Variants in SLC2A1 observed in about 807,000 individuals in gnomAD.
SLC2A1 encodes the protein solute carrier family 2 member 1.
SLC2A1 carries 4 observed loss-of-function variants against 46.6 expected under a neutral mutation model. That is an observed-to-expected ratio of 0.09 (90% CI 0.04 to 0.20). SLC2A1 has a LOEUF of 0.20. Among genes scored for constraint, SLC2A1 ranks in the 10% least tolerant of loss-of-function variants. The pLI, the probability that SLC2A1 is intolerant of heterozygous loss-of-function variation, is 1.00. For synonymous variants in SLC2A1, 253 were observed against 270.0 expected (o/e 0.94, Z 0.62); for missense variants, 352 against 667.0 (o/e 0.53, Z 5.20).
Position 42,930,160 on chromosome 1 carries a change from C to G in SLC2A1, c.517-125G>C. 1 of 1,040,986 alleles carries G rather than the reference C, an allele frequency of 9.6e-7. No individual in the cohort carries two copies. Among genetic ancestry groups the G allele is most frequent in the Non-Finnish European group, 1.5e-6 (1 of 685,380 alleles). 64.5% of individuals were successfully genotyped at this position (1,040,986 alleles called of 1,614,324 possible). A position where few individuals can be genotyped will look rare whatever the true frequency, so the allele number is the denominator to read the frequency against. The stretch of plus-strand genomic sequence containing the variant: ...GGGAAGGGCCCCAGTTCTAGAGGCT[C>G]TGCCACTAGCATGAGCCCTGTTTCT... On this transcript the variant is annotated intron_variant, in intron 4 of 9. Transcript: ENST00000426263. The surrounding 1 kb of genome is among the most constrained non-coding windows in gnomAD (Gnocchi z 6.2).
At chr1:42,944,130 C>T (rs1643627266) in intron 1 of SLC2A1, among the ~76,000 whole-genome samples, 1 of 152,150 alleles carries the variant, frequency 6.6e-6, no homozygotes, top group Admixed American at 6.5e-5. Context: ...TGGAAAAGTG[C>T]ACAAGGTGAG....
rs768474648 is a variant in SLC2A1, at chr1:42,927,276, T to A, written c.1279-35A>T. On this transcript the variant is annotated intron_variant, in intron 9 of 9. Transcript: ENST00000426263. This position sits in a 1 kb window ranked among gnomAD's most constrained non-coding sequence, Gnocchi z 5.3. The stretch of plus-strand genomic sequence containing the variant: ...ACACAGACACACTTGGTTGGAGTCA[T>A]GACCCTACATCCTGGCTGTAGGACT... 74 of 1,596,308 alleles carry A rather than the reference T, an allele frequency of 4.6e-5. No homozygotes were observed. The highest frequency in any genetic ancestry group is 6.2e-5 in the Non-Finnish European group (72 of 1,164,404).
intron 1 of SLC2A1, among the ~76,000 whole-genome samples, chr1:42,957,451 C>T (rs1027081374): frequency 6.6e-5 from 10 of 152,198 alleles, no homozygotes; most frequent in African/African-American, 2.4e-4. Context: ...GTAGGAAGGG[C>T]AGTTCAAAAT....
At chr1:42,941,505 T>G (rs1360596836) in intron 2 of SLC2A1, among the ~76,000 whole-genome samples, 3 of 152,222 alleles carry the variant, frequency 2.0e-5, no homozygotes, top group African/African-American at 7.2e-5. Context: ...GGAAAACACC[T>G]CCTCTGTCCT....
intron 1 of SLC2A1, among the ~76,000 whole-genome samples, chr1:42,948,502 G>T (rs1329345753): frequency 6.6e-6 from 1 of 152,180 alleles, no homozygotes; most frequent in East Asian, 1.9e-4. Context: ...AGCAGGGGAC[G>T]CAGGGCTTTC....
intron 1 of SLC2A1, among the ~76,000 whole-genome samples, chr1:42,947,197 T>G (rs1307512858): frequency 6.6e-6 from 1 of 152,158 alleles, no homozygotes; most frequent in Non-Finnish European, 1.5e-5. Context: ...GATGAACAGT[T>G]GGTGATGACT....
rs753161833 is a variant in SLC2A1 at position 42,930,856 on chromosome 1, T to C, written c.286A>G (p.Met96Val). Residue 96 changes from methionine to valine, a missense_variant, in exon 4 of 10, where the codon ATG (methionine) becomes GTG (valine). By Grantham distance (21) the Met-to-Val change is conservative. Transcript: ENST00000426263. This position sits in a 1 kb window ranked among gnomAD's most constrained non-coding sequence, Gnocchi z 6.2. ...AAGGCCAGCAGGTTCATCATCAGCA[T>C]TGAATTCCGCCTGGGGACGGGGTCA... ...FVNRFGRRNS[M>V]LMMNLLAFVS... The C allele has an allele frequency of 1.2e-6, 2 of 1,600,930 alleles. No individual in the cohort carries two copies.
At chr1:42,957,407 C>T (rs1643787666) in intron 1 of SLC2A1, among the ~76,000 whole-genome samples, 1 of 152,140 alleles carries the variant, frequency 6.6e-6, no homozygotes. Context: ...CCAGCGCCAC[C>T]CCGCTCAGTC....
In SLC2A1 at chr1:42,929,279, C is replaced by T. The variant is rs776461617; in HGVS notation, c.903G>A (p.Ala301=). Residue 301 remains alanine, a synonymous_variant, in exon 7 of 10, where the codon GCG becomes GCA. Transcript: ENST00000426263. The surrounding 1 kb of genome is among the most constrained non-coding windows in gnomAD (Gnocchi z 6.0). ...FYYSTSIFEK[A]GVQQPVYATI... is the part of the protein sequence containing the mutation. The stretch of plus-strand genomic sequence containing the variant: ...TGGCATACACAGGCTGCTGCACCCC[C>T]GCCTTCTCGAAGATGCTCGTGGAGT... The T allele has an allele frequency of 2.5e-5, 41 of 1,613,652 alleles. No individual in the cohort carries two copies. The highest frequency in any genetic ancestry group is 1.3e-4 in the East Asian group (6 of 44,860).
intron 2 of SLC2A1, among the ~76,000 whole-genome samples, chr1:42,932,269 T>G (rs947563043): frequency 5.0e-5 from 7 of 141,400 alleles, no homozygotes; most frequent in African/African-American, 1.8e-4. Flanking sequence ...CCACCAGCCC[T>G]GCCCCCACCC....
Position 42,927,496 on chromosome 1 carries a change from C to T in SLC2A1, c.1278+109G>A. Reference sequence around the variant, plus strand: ...GGTCATGTGACCTGGGCTTCCTACCCTCAGTTTCCTCCTCAGCATGATTCC... The same window carrying T: ...GGTCATGTGACCTGGGCTTCCTACCTTCAGTTTCCTCCTCAGCATGATTCC... On this transcript the variant is annotated intron_variant, in intron 9 of 9. Transcript: ENST00000426263. This position sits in a 1 kb window ranked among gnomAD's most constrained non-coding sequence, Gnocchi z 5.3. 4.3e-6 allele frequency: 5 copies of T among 1,153,114 alleles called. No homozygotes were observed. Among genetic ancestry groups the T allele is most frequent in the Non-Finnish European group, 6.4e-6 (5 of 782,386 alleles). The allele number at this position is 1,153,114 out of a possible 1,614,324, so 71.4% of individuals were successfully genotyped here.
chr1:42,930,898 C>A lies in SLC2A1; in HGVS notation c.276-32G>T. 2 of 1,602,626 alleles carry A rather than the reference C, an allele frequency of 1.2e-6. No individual in the cohort carries two copies. Among genetic ancestry groups the A allele is most frequent in the South Asian group, 1.1e-5 (1 of 91,060 alleles). On this transcript the variant is annotated intron_variant, in intron 3 of 9. Transcript: ENST00000426263. The surrounding 1 kb of genome is among the most constrained non-coding windows in gnomAD (Gnocchi z 6.2). Reference sequence around the variant, plus strand: ...ACGGGGTCACAGGTCAGGCCAGTGCCCACATTCCTTGGGCTCCGAGGGGCT... The same window carrying A: ...ACGGGGTCACAGGTCAGGCCAGTGCACACATTCCTTGGGCTCCGAGGGGCT...
chr1:42,948,801 C>A, intron 1 of SLC2A1, among the ~76,000 whole-genome samples: 1 of 152,042 alleles, frequency 6.6e-6, no homozygotes, highest in Non-Finnish European at 1.5e-5. Context: ...CACGGTGGCT[C>A]ACCCCTGTAA....
At chr1:42,938,876 G>A (rs1489224533) in intron 2 of SLC2A1, among the ~76,000 whole-genome samples, 8 of 152,190 alleles carry the variant, frequency 5.3e-5, no homozygotes, top group Middle Eastern at 3.4e-3. Context: ...TAGTTGCCCC[G>A]TTTGCTCTCA....
Position 42,927,472 on chromosome 1 carries a change from G to T in SLC2A1, c.1278+133C>A, listed in dbSNP as rs1557644888. On this transcript the variant is annotated intron_variant, in intron 9 of 9. Transcript: ENST00000426263. The surrounding 1 kb of genome is among the most constrained non-coding windows in gnomAD (Gnocchi z 5.3). Reference sequence around the variant, plus strand: ...CCTGGAGTTGAGGTCAGCATTCTTGGTCATGTGACCTGGGCTTCCTACCCT... The same window carrying T: ...CCTGGAGTTGAGGTCAGCATTCTTGTTCATGTGACCTGGGCTTCCTACCCT... The T allele has an allele frequency of 6.4e-6, 6 of 942,644 alleles. No individual in the cohort carries two copies. In the Admixed American group the frequency reaches 8.0e-5, roughly 13 times the overall value. 58.4% of individuals were successfully genotyped at this position (942,644 alleles called of 1,614,324 possible).
chr1:42,948,727 C>T (rs375957033), intron 1 of SLC2A1, among the ~76,000 whole-genome samples: 4 of 152,076 alleles, frequency 2.6e-5, no homozygotes, highest in Admixed American at 1.3e-4. Flanking sequence ...CCAGGAGTTC[C>T]AGACCAGCTT....
Position 42,930,443 on chromosome 1 carries a change from C to T in SLC2A1, c.516+183G>A, listed in dbSNP as rs1345032158. ...AGAAAGGGACTGAGAAGAGTCAAGT[C>T]ATCTTGCTGTCAACTGGGAGGCCAT... On this transcript the variant is annotated intron_variant, in intron 4 of 9. Coordinates refer to ENST00000426263, the MANE Select transcript of SLC2A1 (RefSeq NM_006516.4). The surrounding 1 kb of genome is among the most constrained non-coding windows in gnomAD (Gnocchi z 6.2). 1.2e-6 allele frequency: 1 copy of T among 829,746 alleles called. No homozygotes were observed. Among genetic ancestry groups the T allele is most frequent in the Non-Finnish European group, 2.0e-6 (1 of 489,832 alleles). 51.4% of individuals were successfully genotyped at this position (829,746 alleles called of 1,614,324 possible).
At chr1:42,957,860 G>A (rs1384976814) in intron 1 of SLC2A1, among the ~76,000 whole-genome samples, 2 of 152,004 alleles carry the variant, frequency 1.3e-5, no homozygotes, top group African/African-American at 2.4e-5. Context: ...CAGATCCCCC[G>A]CCCCTCCGGT....
intron 2 of SLC2A1, among the ~76,000 whole-genome samples, chr1:42,939,196 C>T (rs2124458224): frequency 6.6e-6 from 1 of 152,400 alleles, no homozygotes; most frequent in African/African-American, 2.4e-5. Flanking sequence ...CACATGGGCT[C>T]TGAGCCTCAC....
Sources: gnomAD v4.1 joint callset for allele counts (sites outside exome capture counted in the v4.1 genomes callset) on GRCh38, gnomAD v4.1.1 for gene constraint, Gnocchi (gnomAD v3.1) non-coding constraint, MANE v1.5 for transcripts, NCBI Gene and HGNC (gene_info 2026-07-23, HGNC 2026-07-21) for gene names.